PTPRM: variants seen among roughly 807,000 people sequenced by gnomAD.
PTPRM encodes the protein protein tyrosine phosphatase receptor type M, also known as receptor-type tyrosine-protein phosphatase mu.
In PTPRM, 47 loss-of-function variants were observed where a neutral mutation model predicts 186.7. That is an observed-to-expected ratio of 0.25 (90% CI 0.20 to 0.32). PTPRM has a LOEUF of 0.32. Ranked by LOEUF, PTPRM falls within the 10% of genes least tolerant of loss-of-function variation. The pLI is 1.00. For missense variants in PTPRM, 1,494 were observed against 1,865.0 expected, an observed-to-expected ratio of 0.80 and a Z score of 3.66; for synonymous variants, 668 against 674.9, an observed-to-expected ratio of 0.99 and a Z score of 0.16.
chr18:8,216,999 C>T (rs4798618), intron 14 of PTPRM, among the ~76,000 whole-genome samples: 112,645 of 152,122 alleles, frequency 0.74, 42,216 homozygotes, highest in East Asian at 0.87. Context: ...AATAGCTTCG[C>T]GTAGAGTAAC....
chr18:7,759,995 G>A (rs565077166), intron 1 of PTPRM, among the ~76,000 whole-genome samples: 1 of 152,260 alleles, frequency 6.6e-6, no homozygotes, highest in East Asian at 1.9e-4. Context: ...CCCAGCCCAT[G>A]TAGGATTGAC....
intron 1 of PTPRM, among the ~76,000 whole-genome samples, chr18:7,693,611 A>G (rs769468186): frequency 6.6e-6 from 1 of 152,244 alleles, no homozygotes; most frequent in East Asian, 1.9e-4. Flanking sequence ...TGGCGTGTAT[A>G]CAAGTCCCAC....
intron 1 of PTPRM, among the ~76,000 whole-genome samples, chr18:7,731,757 C>T (rs1170388763): frequency 6.6e-6 from 1 of 152,072 alleles, no homozygotes; most frequent in Admixed American, 6.5e-5. Flanking sequence ...ATATAACAGA[C>T]CCTTAAAACT....
intron 19 of PTPRM, among the ~76,000 whole-genome samples, chr18:8,255,225 A>G (rs1304570368): frequency 6.6e-6 from 1 of 152,248 alleles, no homozygotes; most frequent in Non-Finnish European, 1.5e-5. Flanking sequence ...GGTTCTATCC[A>G]ATATTCTGAA....
intron 2 of PTPRM, among the ~76,000 whole-genome samples, chr18:7,782,007 A>G (rs2042880365): frequency 6.6e-6 from 1 of 152,228 alleles, no homozygotes; most frequent in South Asian, 2.1e-4. Context: ...ATGAGTTTAC[A>G]GTCAGCTTTT....
chr18:7,639,611 C>T (rs1322526468), intron 1 of PTPRM, among the ~76,000 whole-genome samples: 2 of 151,728 alleles, frequency 1.3e-5, no homozygotes, highest in Admixed American at 1.3e-4. Context: ...GGTCTGGTCT[C>T]GAACTCCTGA....
At chr18:7,948,337 CAA>C (rs781050405) in intron 5 of PTPRM, among the ~76,000 whole-genome samples, 1 of 152,016 alleles carries the variant, frequency 6.6e-6, no homozygotes, top group African/African-American at 2.4e-5. Flanking sequence ...AGAGCACATA[CAA>C]GAGAGAGAAC....
At chr18:7,933,399 C>T (rs192745665) in intron 5 of PTPRM, among the ~76,000 whole-genome samples, 5 of 152,328 alleles carry the variant, frequency 3.3e-5, no homozygotes, top group African/African-American at 7.2e-5. Flanking sequence ...TGTTGTACCT[C>T]ACACTGCAAA....
At chr18:7,593,233 A>G (rs1005908687) in intron 1 of PTPRM, among the ~76,000 whole-genome samples, 1 of 152,158 alleles carries the variant, frequency 6.6e-6, no homozygotes, top group African/African-American at 2.4e-5. Flanking sequence ...TAATGGTCTT[A>G]CCGAAATTTC....
intron 14 of PTPRM, among the ~76,000 whole-genome samples, chr18:8,232,141 C>T (rs1231630497): frequency 6.6e-6 from 1 of 152,178 alleles, no homozygotes; most frequent in Admixed American, 6.6e-5. Flanking sequence ...TTGCCTCTTC[C>T]AGAGTGTTAT....
chr18:8,202,497 G>A (rs190294550), intron 14 of PTPRM, among the ~76,000 whole-genome samples: 30 of 151,902 alleles, frequency 2.0e-4, no homozygotes, highest in Non-Finnish European at 3.5e-4. Flanking sequence ...TTCTCCATAT[G>A]CAAAAAAGTG....
At chr18:7,710,744 T>C (rs1372524313) in intron 1 of PTPRM, among the ~76,000 whole-genome samples, 3 of 152,154 alleles carry the variant, frequency 2.0e-5, no homozygotes, top group African/African-American at 7.2e-5. Flanking sequence ...CACTGCTATA[T>C]AGCAACAATG....
At chr18:7,996,212 C>G (rs946948897) in intron 7 of PTPRM, among the ~76,000 whole-genome samples, 2 of 151,164 alleles carry the variant, frequency 1.3e-5, no homozygotes, top group Non-Finnish European at 2.9e-5. Flanking sequence ...ACACCATGAT[C>G]AAGTGAGATT....
At chr18:7,879,890 G>A (rs1009228953) in intron 2 of PTPRM, among the ~76,000 whole-genome samples, 3 of 152,140 alleles carry the variant, frequency 2.0e-5, no homozygotes, top group African/African-American at 7.2e-5. Flanking sequence ...AAACACCTGA[G>A]GCTCGGTATT....
intron 19 of PTPRM, among the ~76,000 whole-genome samples, chr18:8,259,435 G>T (rs562699915): frequency 6.6e-6 from 1 of 152,070 alleles, no homozygotes; most frequent in Admixed American, 6.6e-5. Flanking sequence ...CTTTAAACAC[G>T]TCTGTCTCCT....
intron 14 of PTPRM, among the ~76,000 whole-genome samples, chr18:8,161,570 G>A (rs146547545): frequency 1.2e-3 from 189 of 152,244 alleles, no homozygotes; most frequent in African/African-American, 4.5e-3. Context: ...GGTTGGCAAT[G>A]AATCACTTTT....
chr18:8,038,259 A>C (rs1177081613), intron 7 of PTPRM, among the ~76,000 whole-genome samples: 1 of 152,112 alleles, frequency 6.6e-6, no homozygotes, highest in Non-Finnish European at 1.5e-5. Flanking sequence ...CATATTAATC[A>C]TATTTTCATT....
intron 1 of PTPRM, among the ~76,000 whole-genome samples, chr18:7,598,697 T>A (rs1217943983): frequency 6.6e-6 from 1 of 152,134 alleles, no homozygotes; most frequent in Non-Finnish European, 1.5e-5. Context: ...CATGTTAGAT[T>A]TTTTTTTCTG....
At chr18:8,088,656 T>G in intron 10 of PTPRM, 93 bp from the exon 11 acceptor site, 2 of 1,009,442 alleles carry the variant, frequency 2.0e-6, no homozygotes, top group Admixed American at 3.5e-5. Flanking sequence ...AAATGCACTG[T>G]GTTCTTAATG....
Sources: gnomAD v4.1 joint callset for allele counts (sites outside exome capture counted in the v4.1 genomes callset) on GRCh38, gnomAD v4.1.1 for gene constraint, MANE v1.5 for transcripts, NCBI Gene and HGNC (gene_info 2026-07-23, HGNC 2026-07-21) for gene names.